Variants in SAMD4A observed in about 807,000 individuals in gnomAD.
The protein encoded by SAMD4A is protein Smaug homolog 1.
A neutral mutation model predicts 81.3 loss-of-function variants in SAMD4A; 33 were observed. The observed-to-expected ratio is 0.41, with a 90% CI of 0.31 to 0.54. SAMD4A has a LOEUF of 0.54. Ranked by LOEUF, SAMD4A falls within the 20% of genes least tolerant of loss-of-function variation. SAMD4A has a pLI of 0.37. For synonymous variants in SAMD4A, 389 were observed against 382.1 expected, an observed-to-expected ratio of 1.02 and a Z score of -0.21; for missense variants, 854 against 951.1, an observed-to-expected ratio of 0.90 and a Z score of 1.34.
At chr14:54,666,715 C>T (rs2035766102) in intron 2 of SAMD4A, among the ~76,000 whole-genome samples, 1 of 152,128 alleles carries the variant, frequency 6.6e-6, no homozygotes, top group Admixed American at 6.5e-5. Context: ...AGACACTTAA[C>T]TGAGAAGACA....
At chr14:54,728,120 T>C (rs2037472074) in intron 3 of SAMD4A, among the ~76,000 whole-genome samples, 1 of 152,210 alleles carries the variant, frequency 6.6e-6, no homozygotes, top group Non-Finnish European at 1.5e-5. Flanking sequence ...TCTCTGGAAG[T>C]CTTTTATTGC....
intron 2 of SAMD4A, among the ~76,000 whole-genome samples, chr14:54,677,110 C>CCTG: frequency 6.6e-6 from 1 of 152,082 alleles, no homozygotes; most frequent in Admixed American, 6.5e-5. Context: ...GTAAGACACC[C>CCTG]AAAGAAGAAA....
rs80056806 is a variant in SAMD4A at position 54,654,142 on chromosome 14, C to T, written c.197-47920C>T. Among the ~76,000 whole-genome samples, 139 of 152,276 alleles carry T rather than the reference C, an allele frequency of 9.1e-4. 1 individual carries two copies. The highest frequency in any genetic ancestry group is 3.4e-3 in the Middle Eastern group (1 of 294). ...AGTTGACGTATTCATTCCTCAGAAC[C>T]GGTAGATGACTATGACATATAATAC... is the stretch of plus-strand genomic sequence containing the variant. On this transcript the variant is annotated intron_variant, in intron 2 of 12. Coordinates refer to ENST00000554335, the MANE Select transcript of SAMD4A (RefSeq NM_015589.6).
At chr14:54,724,012 G>GGAAGGAAGGAAGGAA (rs1555347537) in intron 3 of SAMD4A, among the ~76,000 whole-genome samples, 39 of 141,600 alleles carry the variant, frequency 2.8e-4, no homozygotes, top group Middle Eastern at 3.7e-3. Context: ...ATGGATGGAA[G>GGAAGGAAGGAAGGAA]GAAGGAAGGA....
chr14:54,752,371 T>C (rs1445833777), intron 6 of SAMD4A, among the ~76,000 whole-genome samples: 3 of 152,186 alleles, frequency 2.0e-5, no homozygotes, highest in Non-Finnish European at 2.9e-5. Flanking sequence ...GGGATTCTTA[T>C]GCATGGGTAC....
At chr14:54,607,119 G>A (rs1260056694) in intron 2 of SAMD4A, among the ~76,000 whole-genome samples, 3 of 152,238 alleles carry the variant, frequency 2.0e-5, no homozygotes. Context: ...GGCAGGGAGG[G>A]AAATAGGGAA....
At chr14:54,638,284 C>T (rs980212438) in intron 2 of SAMD4A, among the ~76,000 whole-genome samples, 3 of 152,166 alleles carry the variant, frequency 2.0e-5, no homozygotes, top group Non-Finnish European at 4.4e-5. Flanking sequence ...GTCTTAGCAG[C>T]ATACTAACCT....
intron 2 of SAMD4A, among the ~76,000 whole-genome samples, chr14:54,639,890 T>C (rs1388569055): frequency 6.6e-6 from 1 of 152,074 alleles, no homozygotes; most frequent in South Asian, 2.1e-4. Flanking sequence ...AAAGAAGCAG[T>C]CTAACATTCT....
intron 2 of SAMD4A, among the ~76,000 whole-genome samples, chr14:54,674,018 G>A (rs1054186121): frequency 7.9e-5 from 12 of 152,138 alleles, no homozygotes; most frequent in African/African-American, 2.9e-4. Context: ...AATTAAGTCG[G>A]GGGAGTGATG....
At chr14:54,745,352 C>G (rs1239359744) in intron 4 of SAMD4A, among the ~76,000 whole-genome samples, 1 of 152,188 alleles carries the variant, frequency 6.6e-6, no homozygotes, top group Non-Finnish European at 1.5e-5. Context: ...TCTGCTCTAC[C>G]CTGAATGCCC....
chr14:54,730,474 G>T (rs1249036000), intron 3 of SAMD4A, among the ~76,000 whole-genome samples: 1 of 152,162 alleles, frequency 6.6e-6, no homozygotes, highest in Non-Finnish European at 1.5e-5. Flanking sequence ...TCTTTGCTTT[G>T]TAGCATGTTC....
intron 2 of SAMD4A, among the ~76,000 whole-genome samples, chr14:54,688,838 C>G (rs749949330): frequency 1.3e-5 from 2 of 151,700 alleles, no homozygotes; most frequent in South Asian, 2.1e-4. Context: ...CTTGGGTTCT[C>G]AAATGTGAAC....
intron 6 of SAMD4A, among the ~76,000 whole-genome samples, chr14:54,756,785 G>T (rs1336794597): frequency 6.6e-6 from 1 of 152,192 alleles, no homozygotes; most frequent in African/African-American, 2.4e-5. Flanking sequence ...CCCAGGAAAG[G>T]CACTGAACCA....
At chr14:54,774,267 C>CA (rs2038779474) in intron 9 of SAMD4A, among the ~76,000 whole-genome samples, 1 of 152,232 alleles carries the variant, frequency 6.6e-6, no homozygotes, top group Non-Finnish European at 1.5e-5. Flanking sequence ...AGAGCACCTA[C>CA]TTCATAGGGT....
At chr14:54,722,133 A>T (rs568147747) in intron 3 of SAMD4A, among the ~76,000 whole-genome samples, 2 of 152,228 alleles carry the variant, frequency 1.3e-5, no homozygotes, top group African/African-American at 2.4e-5. Context: ...TGGCTGAAGA[A>T]GATGTTGCTT....
rs750231082 is a variant in SAMD4A at position 54,594,000 on chromosome 14, C to T, written c.196+25888C>T. ...TGAAATTTTCAGACCAGATCATATA[C>T]AGGAAGATGACTCATGTGCCTACCT... On this transcript the variant is annotated intron_variant, in intron 2 of 12. Transcript: ENST00000554335. 4.6e-5 allele frequency among the ~76,000 whole-genome samples: 7 copies of T among 152,240 alleles called. No individual in the cohort carries two copies. In the East Asian group the frequency reaches 9.6e-4, roughly 21 times the overall value.
At chr14:54,574,050 A>G (rs7141660) in intron 2 of SAMD4A, among the ~76,000 whole-genome samples, 364 of 152,340 alleles carry the variant, frequency 2.4e-3, no homozygotes, top group African/African-American at 8.2e-3. Context: ...TGCCATTGTA[A>G]TGGTACCTGA....
chr14:54,653,055 G>C (rs1012945515), intron 2 of SAMD4A, among the ~76,000 whole-genome samples: 1 of 151,882 alleles, frequency 6.6e-6, no homozygotes, highest in Non-Finnish European at 1.5e-5. Flanking sequence ...GCTCCCTGCT[G>C]CTTGTAAGAT....
chr14:54,788,928 G>A lies in SAMD4A; in HGVS notation c.2141G>A (p.Arg714Gln), dbSNP rs147265708. Residue 714 changes from arginine to glutamine, a missense_variant, in exon 13 of 13, where the codon CGG (arginine) becomes CAG (glutamine). Transcript: ENST00000554335. ...CTTTCTCTCCCAGACGGGGTTGACC[G>A]GACCTCCACCATCTAGAAGCTGAAG... ...TEHALGDGVD[R>Q]TSTI 1.0e-4 allele frequency: 161 copies of A among 1,614,072 alleles called. No homozygotes were observed. The highest frequency in any genetic ancestry group is 3.0e-4 in the South Asian group (27 of 91,086).
Sources: gnomAD v4.1 joint callset for allele counts (sites outside exome capture counted in the v4.1 genomes callset) on GRCh38, gnomAD v4.1.1 for gene constraint, MANE v1.5 for transcripts, NCBI Gene and HGNC (gene_info 2026-07-23, HGNC 2026-07-21) for gene names.